The following MMP16 variants were observed in gnomAD, a reference collection of about 807,000 sequenced individuals.
The protein encoded by MMP16 is matrix metalloproteinase-16.
Under a neutral mutation model 67.8 loss-of-function variants are expected in MMP16, and 12 were observed. The ratio of observed to expected loss-of-function variants is 0.18; its 90% CI spans 0.11 to 0.29. MMP16 has a LOEUF of 0.29. Ranked by LOEUF, MMP16 falls within the 10% of genes least tolerant of loss-of-function variation. The pLI is 1.00. For synonymous variants in MMP16, 249 were observed against 255.9 expected (o/e 0.97, Z 0.26); for missense variants, 475 against 765.7 (o/e 0.62, Z 4.48).
At chr8:88,100,890 C>G (rs1330156961) in intron 6 of MMP16, among the ~76,000 whole-genome samples, 1 of 151,394 alleles carries the variant, frequency 6.6e-6, no homozygotes, top group Non-Finnish European at 1.5e-5. Flanking sequence ...AAAAACCAAA[C>G]ACCGCATGTT....
intron 9 of MMP16, among the ~76,000 whole-genome samples, chr8:88,042,187 G>A (rs1381599260): frequency 1.3e-5 from 2 of 152,140 alleles, no homozygotes; most frequent in Non-Finnish European, 2.9e-5. Flanking sequence ...TGCTGAAACA[G>A]CCTTATAAAC....
intron 1 of MMP16, among the ~76,000 whole-genome samples, chr8:88,324,364 C>T (rs1811506398): frequency 1.3e-5 from 2 of 152,086 alleles, no homozygotes; most frequent in Admixed American, 1.3e-4. Context: ...CTCTAGCCAA[C>T]CACCCTCTTC....
chr8:88,086,666 T>C (rs1170231531), intron 6 of MMP16, among the ~76,000 whole-genome samples: 1 of 151,898 alleles, frequency 6.6e-6, no homozygotes, highest in Non-Finnish European at 1.5e-5. Context: ...ATGTCTTACA[T>C]ACAATAAAAT....
At chr8:88,285,124 A>ATTTGTT (rs1563584032) in intron 1 of MMP16, among the ~76,000 whole-genome samples, 1 of 151,614 alleles carries the variant, frequency 6.6e-6, no homozygotes, top group Non-Finnish European at 1.5e-5. Flanking sequence ...TTTTTTGTTT[A>ATTTGTT]TTTGTTTTTG....
At chr8:88,259,355 A>G (rs1810352228) in intron 1 of MMP16, among the ~76,000 whole-genome samples, 1 of 152,214 alleles carries the variant, frequency 6.6e-6, no homozygotes, top group South Asian at 2.1e-4. Flanking sequence ...AGCTCACTAG[A>G]GTATTAGAAC....
intron 1 of MMP16, among the ~76,000 whole-genome samples, chr8:88,278,770 C>T (rs1810687627): frequency 6.6e-6 from 1 of 152,052 alleles, no homozygotes; most frequent in African/African-American, 2.4e-5. Flanking sequence ...TTCTAGGAGG[C>T]AAACTGAAAA....
chr8:88,326,841 T>A lies in MMP16; in HGVS notation c.132+234A>T, dbSNP rs547755449. 4.4e-5 allele frequency: 20 copies of A among 456,270 alleles called. No individual in the cohort carries two copies. In the South Asian group the frequency reaches 5.0e-4, roughly 12 times the overall value. The allele number at this position is 456,270 out of a possible 1,614,324, so 28.3% of individuals were successfully genotyped here. A position where few individuals can be genotyped will look rare whatever the true frequency, so the allele number is the denominator to read the frequency against. ...GAAAAGCATGGACCGGCTACAATTG[T>A]GTCTTTGAGCGCGCAGCATCGTGCT... On this transcript the variant is annotated intron_variant, in intron 1 of 9. Transcript: ENST00000286614.
chr8:88,175,750 C>A (rs755127199), intron 3 of MMP16, among the ~76,000 whole-genome samples: 3 of 152,080 alleles, frequency 2.0e-5, no homozygotes, highest in Non-Finnish European at 4.4e-5. Context: ...ATTGTAGTTC[C>A]CGTAATCCCC....
chr8:88,290,492 G>T lies in MMP16; in HGVS notation c.132+36583C>A, dbSNP rs538118144. Among the ~76,000 whole-genome samples the T allele has an allele frequency of 8.9e-4, 135 of 152,188 alleles. 3 individuals carry two copies. Among genetic ancestry groups the T allele is most frequent in the Non-Finnish European group, 9.9e-4 (67 of 68,008 alleles). On this transcript the variant is annotated intron_variant, in intron 1 of 9. Coordinates refer to ENST00000286614, the MANE Select transcript of MMP16 (RefSeq NM_005941.5). ...GGAGTGAACCTGGGAGGCAGAGCTT[G>T]CAATGAGCAGATATTGTGCCACTGA...
intron 6 of MMP16, among the ~76,000 whole-genome samples, chr8:88,081,871 T>C (rs929758925): frequency 7.2e-5 from 11 of 152,176 alleles, no homozygotes; most frequent in African/African-American, 2.7e-4. Flanking sequence ...GTTTAAGCTG[T>C]TGGATTTATA....
intron 4 of MMP16, among the ~76,000 whole-genome samples, chr8:88,158,811 A>G (rs546214563): frequency 6.6e-6 from 1 of 152,186 alleles, no homozygotes. Context: ...CTAACATTTA[A>G]GTCTTTAATC....
At chr8:88,081,892 C>T (rs1056318927) in intron 6 of MMP16, among the ~76,000 whole-genome samples, 1 of 152,072 alleles carries the variant, frequency 6.6e-6, no homozygotes, top group Non-Finnish European at 1.5e-5. Flanking sequence ...AGCATGTATA[C>T]AGTAGCTGTT....
At chr8:88,234,963 C>T (rs1486764440) in intron 1 of MMP16, among the ~76,000 whole-genome samples, 7 of 152,246 alleles carry the variant, frequency 4.6e-5, no homozygotes, top group Middle Eastern at 3.4e-3. Context: ...TCAAAAGGTC[C>T]AACTCCCTTG....
chr8:88,143,740 T>C (rs73287055), intron 4 of MMP16, among the ~76,000 whole-genome samples: 3,974 of 152,070 alleles, frequency 0.026, 102 homozygotes, highest in Middle Eastern at 0.079. Context: ...TCATTGTTTT[T>C]AAGGCAGAAA....
At chr8:88,133,713 A>G (rs1808071548) in intron 4 of MMP16, among the ~76,000 whole-genome samples, 1 of 151,804 alleles carries the variant, frequency 6.6e-6, no homozygotes, top group Non-Finnish European at 1.5e-5. Context: ...ATTAAATACA[A>G]CACTTAGAAC....
chr8:88,040,762 T>G lies in MMP16; in HGVS notation c.*699A>C, dbSNP rs1182728748. 1 of 152,614 alleles carries G rather than the reference T, an allele frequency of 6.6e-6. No homozygotes were observed. The highest frequency in any genetic ancestry group is 1.5e-5 in the Non-Finnish European group (1 of 68,038). The allele number at this position is 152,614 out of a possible 1,614,324, so 9.5% of individuals were successfully genotyped here. A position where few individuals can be genotyped will look rare whatever the true frequency, so the allele number is the denominator to read the frequency against. On this transcript the variant is annotated 3_prime_UTR_variant, in exon 10 of 10. Transcript: ENST00000286614. ...AGCTGTATAAAACGAAAAATGGATG[T>G]ATTATTAAGGCTGTTACTATATTGC... is the stretch of plus-strand genomic sequence containing the variant.
chr8:88,229,913 A>G (rs1020899961), intron 1 of MMP16, among the ~76,000 whole-genome samples: 14 of 152,100 alleles, frequency 9.2e-5, no homozygotes, highest in African/African-American at 3.4e-4. Flanking sequence ...AAGAGATCCA[A>G]CATATTTTAT....
chr8:88,171,985 G>A (rs1808811697), intron 3 of MMP16, among the ~76,000 whole-genome samples: 1 of 151,910 alleles, frequency 6.6e-6, no homozygotes, highest in East Asian at 1.9e-4. Context: ...CACCAGTACA[G>A]CCAGTGAATT....
chr8:88,303,737 T>A (rs1412998858), intron 1 of MMP16, among the ~76,000 whole-genome samples: 1 of 152,098 alleles, frequency 6.6e-6, no homozygotes, highest in African/African-American at 2.4e-5. Context: ...AAAAGTAGCC[T>A]AACCATTAAA....
Sources: allele counts gnomAD v4.1 joint callset (sites outside exome capture counted in the v4.1 genomes callset), GRCh38; gene constraint gnomAD v4.1.1; transcripts MANE v1.5; gene names NCBI Gene and HGNC (gene_info 2026-07-23, HGNC 2026-07-21).